The following DACH1 variants were observed in gnomAD, a reference collection of about 807,000 sequenced individuals.
DACH1 encodes the protein dachshund homolog 1.
DACH1 carries 12 observed loss-of-function variants against 54.2 expected under a neutral mutation model. The observed-to-expected ratio is 0.22, with a 90% CI of 0.14 to 0.36. The LOEUF (loss-of-function observed/expected upper bound fraction) is 0.36. Among genes scored for constraint, DACH1 ranks in the 10% least tolerant of loss-of-function variants. The probability of loss-of-function intolerance (pLI) is 1.00; values close to 1 mark genes in which losing one functional copy is unlikely to be tolerated. For missense variants in DACH1, 805 were observed against 929.8 expected (o/e 0.87, Z 1.75); for synonymous variants, 386 against 366.2 (o/e 1.05, Z -0.62).
chr13:71,636,270 C>T (rs891072451), intron 2 of DACH1, among the ~76,000 whole-genome samples: 2 of 151,978 alleles, frequency 1.3e-5, no homozygotes, highest in African/African-American at 4.8e-5. Context: ...TACACCAAGA[C>T]AAAAATGTAC....
At chr13:71,572,766 G>T in intron 4 of DACH1, 74 bp downstream of exon 4, 1 of 1,464,524 alleles carries the variant, frequency 6.8e-7, no homozygotes, top group East Asian at 2.3e-5. Flanking sequence ...TGTACTTATG[G>T]AATAAGAAAA....
At chr13:71,518,510 A>ACTT (rs1293134843) in intron 6 of DACH1, among the ~76,000 whole-genome samples, 2 of 151,952 alleles carry the variant, frequency 1.3e-5, no homozygotes, top group Non-Finnish European at 2.9e-5. Context: ...ACTTATGATT[A>ACTT]CTTAAAGTAT....
chr13:71,783,771 G>A (rs1000940656), intron 1 of DACH1, among the ~76,000 whole-genome samples: 1 of 151,710 alleles, frequency 6.6e-6, no homozygotes, highest in African/African-American at 2.4e-5. Context: ...AAGTGTCACT[G>A]GAGCTGGCAT....
chr13:71,780,584 T>G (rs1480421495), intron 1 of DACH1, among the ~76,000 whole-genome samples: 3 of 151,680 alleles, frequency 2.0e-5, no homozygotes, highest in Non-Finnish European at 4.4e-5. Context: ...AGACGGAGGT[T>G]GCAGTGAGCC....
At chr13:71,849,582 C>A (rs1412477699) in intron 1 of DACH1, among the ~76,000 whole-genome samples, 2 of 152,140 alleles carry the variant, frequency 1.3e-5, no homozygotes, top group Non-Finnish European at 1.5e-5. Flanking sequence ...GAGGTGGAAT[C>A]ATTATAGGAA....
At chr13:71,798,290 T>A (rs1300983044) in intron 1 of DACH1, among the ~76,000 whole-genome samples, 14 of 143,134 alleles carry the variant, frequency 9.8e-5, no homozygotes, top group African/African-American at 3.6e-4. Flanking sequence ...AAATGAACTA[T>A]GAAAGATGAT....
intron 2 of DACH1, among the ~76,000 whole-genome samples, chr13:71,643,891 T>A (rs1878087134): frequency 6.6e-6 from 1 of 152,246 alleles, no homozygotes. Context: ...CTTCGATCTC[T>A]TAACCAAAAA....
chr13:71,753,607 C>A (rs188387630), intron 1 of DACH1, among the ~76,000 whole-genome samples: 15 of 152,232 alleles, frequency 9.9e-5, no homozygotes, highest in African/African-American at 3.4e-4. Flanking sequence ...TGACACTGTT[C>A]CAGTAATAGT....
intron 1 of DACH1, chr13:71,846,080 G>GTGT (rs901570030): frequency 4.2e-5 from 7 of 168,542 alleles, no homozygotes; most frequent in Non-Finnish European, 9.5e-5. Context: ...AAAATTGACG[G>GTGT]TGTTTATGCC....
intron 1 of DACH1, among the ~76,000 whole-genome samples, chr13:71,845,115 G>T (rs1268933166): frequency 1.3e-5 from 2 of 152,122 alleles, no homozygotes; most frequent in Non-Finnish European, 2.9e-5. Context: ...AGATTATTTA[G>T]TGTTCCCAAC....
rs1055582188 is a variant in DACH1 at position 71,833,131 on chromosome 13, T to C, written c.848+32791A>G. 2.6e-5 allele frequency among the ~76,000 whole-genome samples: 4 copies of C among 151,870 alleles called. No homozygotes were observed. The East Asian group carries it at 7.7e-4, about 29-fold the overall frequency. ...ACATTTTGTAAGAGAGAGCCAACAT[T>C]GATGTAAAAGAATCCTAGTGCATCA... On this transcript the variant is annotated intron_variant, in intron 1 of 10. Coordinates refer to ENST00000613252, the MANE Select transcript of DACH1 (RefSeq NM_080759.6).
intron 1 of DACH1, among the ~76,000 whole-genome samples, chr13:71,829,232 C>A (rs1407543680): frequency 6.6e-6 from 1 of 151,788 alleles, no homozygotes; most frequent in Non-Finnish European, 1.5e-5. Context: ...GTATTGAAGT[C>A]ATCATCGGGC....
chr13:71,796,540 C>G (rs975509028), intron 1 of DACH1, among the ~76,000 whole-genome samples: 3 of 152,118 alleles, frequency 2.0e-5, no homozygotes, highest in African/African-American at 4.8e-5. Context: ...AGGTTACACA[C>G]TGTTCCTCCA....
intron 1 of DACH1, among the ~76,000 whole-genome samples, chr13:71,690,603 C>A (rs1279857627): frequency 6.6e-6 from 1 of 152,130 alleles, no homozygotes; most frequent in Non-Finnish European, 1.5e-5. Context: ...TCATACCTCA[C>A]AACAATATTC....
At chr13:71,837,027 C>T (rs1223799247) in intron 1 of DACH1, among the ~76,000 whole-genome samples, 1 of 151,902 alleles carries the variant, frequency 6.6e-6, no homozygotes, top group Admixed American at 6.6e-5. Context: ...TACACACACA[C>T]AATTCTGAGG....
In DACH1 at chr13:71,479,319, G is replaced by A. The variant is rs1217588732; in HGVS notation, c.1723-3C>T. The A allele has an allele frequency of 1.2e-6, 2 of 1,602,722 alleles. No individual in the cohort carries two copies. Among genetic ancestry groups the A allele is most frequent in the African/African-American group, 1.3e-5 (1 of 74,214 alleles). On this transcript the variant is annotated splice_region_variant and splice_polypyrimidine_tract_variant and intron_variant, in intron 7 of 10. Transcript: ENST00000613252. ...TCTATGGCAACTTTCAACAGCCCCT[G>A]TACAAAGAAGATATTCGGAATGGTA...
chr13:71,522,527 C>T (rs566573246), intron 6 of DACH1, among the ~76,000 whole-genome samples: 1 of 152,042 alleles, frequency 6.6e-6, no homozygotes, highest in African/African-American at 2.4e-5. Flanking sequence ...ACCTGTAGTC[C>T]CTGCTACTCT....
chr13:71,474,310 T>G (rs1314674574), intron 10 of DACH1, among the ~76,000 whole-genome samples: 1 of 152,152 alleles, frequency 6.6e-6, no homozygotes, highest in Non-Finnish European at 1.5e-5. Context: ...TCATATGATA[T>G]CCTAAAAATG....
intron 10 of DACH1, among the ~76,000 whole-genome samples, chr13:71,448,727 G>A (rs1048331283): frequency 2.8e-4 from 43 of 152,024 alleles, no homozygotes; most frequent in Middle Eastern, 6.9e-3. Flanking sequence ...TAATAACAGT[G>A]CAAGTGATTT....
Sources: gnomAD v4.1 joint callset for allele counts (sites outside exome capture counted in the v4.1 genomes callset) on GRCh38, gnomAD v4.1.1 for gene constraint, MANE v1.5 for transcripts, NCBI Gene and HGNC (gene_info 2026-07-23, HGNC 2026-07-21) for gene names.